Variants in PSD3 observed in about 807,000 individuals in gnomAD.
PSD3 encodes the protein pleckstrin and Sec7 domain containing 3, also known as PH and SEC7 domain-containing protein 3.
Under a neutral mutation model 105.5 loss-of-function variants are expected in PSD3, and 49 were observed. That is an observed-to-expected ratio of 0.46 (90% confidence interval 0.37 to 0.59). The LOEUF is 0.59. Ranked by LOEUF, PSD3 falls within the 20% of genes least tolerant of loss-of-function variation. The pLI is 0.00. For synonymous variants in PSD3, 557 were observed against 457.8 expected, an observed-to-expected ratio of 1.22 and a Z score of -2.77; for missense variants, 1,561 against 1,263.8, an observed-to-expected ratio of 1.24 and a Z score of -3.57.
At chr8:18,784,821 C>G (rs1808975262) in intron 8 of PSD3, among the ~76,000 whole-genome samples, 1 of 152,168 alleles carries the variant, frequency 6.6e-6, no homozygotes, top group Non-Finnish European at 1.5e-5. Flanking sequence ...AACCTCAAAG[C>G]TCTCCAAACC....
At chr8:19,054,325 C>T (rs1828635725) in intron 1 of PSD3, among the ~76,000 whole-genome samples, 2 of 152,276 alleles carry the variant, frequency 1.3e-5, no homozygotes, top group South Asian at 4.1e-4. Flanking sequence ...AGGAGTTTAT[C>T]TGTGAGAGTA....
At chr8:19,023,694 C>T (rs1412947704) in intron 1 of PSD3, among the ~76,000 whole-genome samples, 2 of 152,138 alleles carry the variant, frequency 1.3e-5, no homozygotes, top group South Asian at 2.1e-4. Context: ...GTCTCAGCCT[C>T]CTAAAGAGTT....
At chr8:18,632,405 C>G (rs1806967550) in intron 11 of PSD3, among the ~76,000 whole-genome samples, 1 of 152,018 alleles carries the variant, frequency 6.6e-6, no homozygotes, top group African/African-American at 2.4e-5. Flanking sequence ...AAGGAGTTCT[C>G]CCTTTCTAAA....
intron 10 of PSD3, among the ~76,000 whole-genome samples, chr8:18,637,185 C>T (rs2130785457): frequency 6.6e-6 from 1 of 152,288 alleles, no homozygotes; most frequent in African/African-American, 2.4e-5. Flanking sequence ...TGTTTGTGTA[C>T]ATTTCTTTTG....
chr8:18,767,519 A>G (rs1807111427), intron 8 of PSD3, among the ~76,000 whole-genome samples: 3 of 152,156 alleles, frequency 2.0e-5, no homozygotes, highest in African/African-American at 7.2e-5. Flanking sequence ...AGGCCGAGGC[A>G]GGTAGATAAC....
chr8:18,888,001 C>T (rs1332927911), intron 2 of PSD3, among the ~76,000 whole-genome samples: 1 of 152,136 alleles, frequency 6.6e-6, no homozygotes. Context: ...TCCAAGATCA[C>T]ACGGCTAACG....
At chr8:18,865,261 TATATATATATA>T (rs1816794819) in intron 4 of PSD3, 1 of 7,796 alleles carries the variant, frequency 1.3e-4, no homozygotes, top group African/African-American at 5.9e-4. Flanking sequence ...TATATATATA[TATATATATATA>T]TATATATATA....
intron 9 of PSD3, among the ~76,000 whole-genome samples, chr8:18,764,806 C>A (rs933923330): frequency 2.0e-5 from 3 of 152,152 alleles, no homozygotes; most frequent in Non-Finnish European, 4.4e-5. Flanking sequence ...TACAATCTTA[C>A]CCTACAACCC....
At chr8:18,947,596 G>A (rs1161627679) in intron 1 of PSD3, among the ~76,000 whole-genome samples, 4 of 152,194 alleles carry the variant, frequency 2.6e-5, no homozygotes, top group Non-Finnish European at 4.4e-5. Flanking sequence ...GCAGTGGCAC[G>A]AGCTGGCTTC....
intron 4 of PSD3, among the ~76,000 whole-genome samples, chr8:18,807,109 G>A (rs1265280123): frequency 6.6e-6 from 1 of 152,140 alleles, no homozygotes; most frequent in Non-Finnish European, 1.5e-5. Flanking sequence ...ATCACGAAAT[G>A]ACAAAAACCA....
chr8:18,624,291 A>C (rs990771741), intron 11 of PSD3, among the ~76,000 whole-genome samples: 3 of 152,080 alleles, frequency 2.0e-5, no homozygotes, highest in Non-Finnish European at 4.4e-5. Flanking sequence ...ATTTTTGTCA[A>C]GGTAACATGT....
chr8:18,928,684 CTTT>C (rs1233696215), intron 2 of PSD3, among the ~76,000 whole-genome samples: 1 of 152,110 alleles, frequency 6.6e-6, no homozygotes, highest in East Asian at 1.9e-4. Context: ...TCCTTCCTTC[CTTT>C]TTTTCTTTTT....
intron 4 of PSD3, among the ~76,000 whole-genome samples, chr8:18,837,937 G>C (rs1263243816): frequency 6.6e-6 from 1 of 152,074 alleles, no homozygotes; most frequent in Non-Finnish European, 1.5e-5. Context: ...TTGTCTATCA[G>C]GCAGATGGCT....
intron 1 of PSD3, among the ~76,000 whole-genome samples, chr8:18,952,637 G>A (rs1823312203): frequency 6.6e-6 from 1 of 152,128 alleles, no homozygotes; most frequent in Non-Finnish European, 1.5e-5. Flanking sequence ...AGGACTGTTA[G>A]AATAACAGTT....
At position 18,572,588 on chromosome 8, in the gene PSD3, G is replaced by T. The variant is rs201448476; in HGVS notation, c.2724C>A (p.Ile908=). The T allele has an allele frequency of 6.2e-7, 1 of 1,614,104 alleles. No individual in the cohort carries two copies. Among genetic ancestry groups the T allele is most frequent in the Admixed American group, 1.7e-5 (1 of 60,020 alleles). Residue 908 remains isoleucine, a synonymous_variant, in exon 14 of 16, where the codon ATC becomes ATA. Coordinates refer to ENST00000327040, the MANE Select transcript of PSD3 (RefSeq NM_015310.4). ...VFSAPPFPAA[I]GSQKKFSRPL... ...GGCGGCTAAACTTCTTCTGAGAGCC[G>T]ATTGCTGCTGGAAATGGTGGTGCAG...
At chr8:18,731,187 C>G (rs552004996) in intron 9 of PSD3, among the ~76,000 whole-genome samples, 1 of 152,238 alleles carries the variant, frequency 6.6e-6, no homozygotes, top group African/African-American at 2.4e-5. Flanking sequence ...ACCCGGGAAG[C>G]GGAGGTTGCA....
chr8:18,750,774 C>T (rs1422802985), intron 9 of PSD3, among the ~76,000 whole-genome samples: 1 of 152,028 alleles, frequency 6.6e-6, no homozygotes, highest in Non-Finnish European at 1.5e-5. Flanking sequence ...TATGGACACA[C>T]AGGTTCTCCA....
intron 9 of PSD3, among the ~76,000 whole-genome samples, chr8:18,758,360 C>T (rs1286062541): frequency 6.6e-6 from 1 of 151,386 alleles, no homozygotes; most frequent in Non-Finnish European, 1.5e-5. Flanking sequence ...CCAATCTTCT[C>T]CCTGGCTGAA....
chr8:19,081,184 T>C (rs1829634708), intron 1 of PSD3, among the ~76,000 whole-genome samples: 2 of 152,170 alleles, frequency 1.3e-5, no homozygotes, highest in Non-Finnish European at 2.9e-5. Context: ...GAGCCGTCCG[T>C]TGGCACCACC....
Sources: gnomAD v4.1 joint callset for allele counts (sites outside exome capture counted in the v4.1 genomes callset) on GRCh38, gnomAD v4.1.1 for gene constraint, MANE v1.5 for transcripts, NCBI Gene and HGNC (gene_info 2026-07-23, HGNC 2026-07-21) for gene names.